Variants in ZNF44 observed in about 807,000 individuals in gnomAD.
The protein encoded by ZNF44 is zinc finger protein 44.
ZNF44 carries 9 observed loss-of-function variants against 11.7 expected under a neutral mutation model. That is an observed-to-expected ratio of 0.77 (90% CI 0.46 to 1.35). ZNF44 has a LOEUF of 1.35. Ranked by LOEUF, ZNF44 falls within the 40% of genes most tolerant of loss-of-function variation. The pLI is 0.00. For missense variants in ZNF44, 696 were observed against 743.1 expected, an observed-to-expected ratio of 0.94 and a Z score of 0.74; for synonymous variants, 224 against 242.7, an observed-to-expected ratio of 0.92 and a Z score of 0.72.
At chr19:12,255,910 C>T (rs1038944414) in intron 5 of ZNF44, among the ~76,000 whole-genome samples, 8 of 151,932 alleles carry the variant, frequency 5.3e-5, no homozygotes, top group African/African-American at 1.9e-4. Context: ...GTGACACGTG[C>T]CTGTAATCCC....
exon 6 of ZNF44, chr19:12,250,368 C>A: frequency 7.4e-7 from 1 of 1,357,446 alleles, no homozygotes. Flanking sequence ...GTCACTGAGT[C>A]CTAAAACATT....
intron 2 of ZNF44, among the ~76,000 whole-genome samples, 193 bp from the exon 3 acceptor site, chr19:12,275,226 CA>C (rs1393557662): frequency 1.3e-5 from 2 of 152,140 alleles, no homozygotes; most frequent in Non-Finnish European, 2.9e-5. Context: ...CCTGAGACAG[CA>C]ATATCAACCC....
rs778601703 is a variant in ZNF44, at chr19:12,273,004, T to G, written c.1251A>C (p.Gly417=). The G allele has an allele frequency of 6.2e-7, 1 of 1,614,138 alleles. No individual in the cohort carries two copies. Among genetic ancestry groups the G allele is most frequent in the Admixed American group, 1.7e-5 (1 of 60,016 alleles). ...VFQRHERTHT[G]EKPYECKQCG... is the part of the protein sequence containing the mutation. ...ATTGCTTGCATTCATAGGGTTTCTC[T>G]CCAGTGTGAGTCCTTTCATGTCTTT... The change falls in exon 4 of 4, where the codon GGA becomes GGC. Residue 417 remains glycine (G), a synonymous_variant. Transcript: ENST00000355684.
At chr19:12,257,315 T>G (rs763531803) in intron 5 of ZNF44, among the ~76,000 whole-genome samples, 9 of 152,132 alleles carry the variant, frequency 5.9e-5, no homozygotes, top group Non-Finnish European at 1.3e-4. Flanking sequence ...ATTACAGCAG[T>G]AAATTGCAAC....
chr19:12,250,757 G>A (rs963212268), intron 5 of ZNF44: 1 of 456,130 alleles, frequency 2.2e-6, no homozygotes, highest in African/African-American at 2.0e-5. Context: ...ATACGTGGAT[G>A]AATAAAAGCA....
At chr19:12,232,773 C>G (rs1599483157) in intron 2 of ZNF44, among the ~76,000 whole-genome samples, 1 of 152,178 alleles carries the variant, frequency 6.6e-6, no homozygotes, top group East Asian at 1.9e-4. Flanking sequence ...AATCTGATCT[C>G]TCTTGCTTTT....
At chr19:12,274,495 G>A (rs967764030) in intron 3 of ZNF44, among the ~76,000 whole-genome samples, 1 of 151,516 alleles carries the variant, frequency 6.6e-6, no homozygotes, top group African/African-American at 2.4e-5. Context: ...GGTTGGTCTC[G>A]ATCTCCTGAC....
chr19:12,278,073 C>T (rs1217982090), intron 1 of ZNF44, among the ~76,000 whole-genome samples: 1 of 152,214 alleles, frequency 6.6e-6, no homozygotes, highest in Admixed American at 6.5e-5. Context: ...CTCTGCAGCA[C>T]TGTGACATGC....
At chr19:12,284,348 C>G (rs1473129220) in intron 1 of ZNF44, 1 of 538,858 alleles carries the variant, frequency 1.9e-6, no homozygotes, top group Non-Finnish European at 3.4e-6. Context: ...TGGCTGATGA[C>G]GCAGGTGCAG....
At chr19:12,286,433 A>G (rs181204257) in intron 1 of ZNF44, among the ~76,000 whole-genome samples, 84 of 152,082 alleles carry the variant, frequency 5.5e-4, no homozygotes, top group African/African-American at 1.8e-3. Flanking sequence ...CAGGAGTTCG[A>G]GACCAGCATG....
At chr19:12,270,757 C>T (rs960110503), downstream of ZNF44, among the ~76,000 whole-genome samples, 1 of 152,018 alleles carries the variant, frequency 6.6e-6, no homozygotes, top group African/African-American at 2.4e-5. Flanking sequence ...CCAGCCCCAC[C>T]TCAATATTTA....
chr19:12,260,762 A>G (rs545991355), intron 5 of ZNF44, among the ~76,000 whole-genome samples: 1 of 152,340 alleles, frequency 6.6e-6, no homozygotes, highest in African/African-American at 2.4e-5. Context: ...AGCTGAACCT[A>G]GAACCAGACT....
chr19:12,293,481 T>C, intron 1 of ZNF44: 1 of 1,105,026 alleles, frequency 9.0e-7, no homozygotes, highest in African/African-American at 1.6e-5. Context: ...GTTTGGTTTT[T>C]TTTACAGCAG....
chr19:12,249,219 T>C (rs1300629133), intron 7 of ZNF44, among the ~76,000 whole-genome samples: 2 of 150,980 alleles, frequency 1.3e-5, no homozygotes, highest in Non-Finnish European at 1.5e-5. Context: ...AAGAAAGCAC[T>C]TTGGGGCCAG....
At chr19:12,277,210 C>T (rs1024373705) in intron 1 of ZNF44, among the ~76,000 whole-genome samples, 8 of 152,112 alleles carry the variant, frequency 5.3e-5, no homozygotes, top group Admixed American at 1.3e-4. Context: ...GCCTATCCTA[C>T]GTGATTACAC....
At chr19:12,231,647 G>A (rs1916169081) in intron 2 of ZNF44, among the ~76,000 whole-genome samples, 1 of 152,214 alleles carries the variant, frequency 6.6e-6, no homozygotes, top group African/African-American at 2.4e-5. Context: ...GATACTGCCT[G>A]CACTGTAGGC....
chr19:12,246,714 G>A (rs958006656), downstream of ZNF44, among the ~76,000 whole-genome samples: 27 of 152,254 alleles, frequency 1.8e-4, 1 homozygote, highest in African/African-American at 6.3e-4. Flanking sequence ...AACCCAGAGT[G>A]CAGAGATCCA....
intron 1 of ZNF44, among the ~76,000 whole-genome samples, chr19:12,236,047 C>T (rs868484102): frequency 7.2e-5 from 11 of 152,078 alleles, no homozygotes; most frequent in Admixed American, 1.3e-4. Flanking sequence ...AAAGAGCTAT[C>T]GCTCTGTGAA....
At chr19:12,232,488 C>G (rs552410966) in intron 2 of ZNF44, among the ~76,000 whole-genome samples, 3 of 152,152 alleles carry the variant, frequency 2.0e-5, no homozygotes, top group Non-Finnish European at 4.4e-5. Flanking sequence ...GAGGTCCCTG[C>G]GGCCTTCCGC....
Sources: allele counts gnomAD v4.1 joint callset (sites outside exome capture counted in the v4.1 genomes callset), GRCh38; gene constraint gnomAD v4.1.1; transcripts MANE v1.5; gene names NCBI Gene and HGNC (gene_info 2026-07-23, HGNC 2026-07-21).